Variants in KCND2 observed in about 807,000 individuals in gnomAD.
KCND2 encodes the protein potassium voltage-gated channel subfamily D member 2.
A neutral mutation model predicts 54.4 loss-of-function variants in KCND2; 16 were observed. The ratio of observed to expected loss-of-function variants is 0.29; its 90% confidence interval spans 0.20 to 0.45. The LOEUF (loss-of-function observed/expected upper bound fraction) is 0.45, where lower values mean the gene tolerates loss of function less well. Among genes scored for constraint, KCND2 ranks in the 20% least tolerant of loss-of-function variants. KCND2 has a pLI of 1.00. For synonymous variants in KCND2, 317 were observed against 310.7 expected (o/e 1.02, Z -0.21); for missense variants, 486 against 824.2 (o/e 0.59, Z 5.02).
chr7:120,419,984 A>G (rs1370015164), intron 1 of KCND2, among the ~76,000 whole-genome samples: 1 of 149,060 alleles, frequency 6.7e-6, no homozygotes, highest in East Asian at 1.9e-4. Context: ...TAACTAGAGA[A>G]TCAGGTTTAT....
At chr7:120,525,685 G>T (rs1791763479) in intron 1 of KCND2, among the ~76,000 whole-genome samples, 1 of 152,074 alleles carries the variant, frequency 6.6e-6, no homozygotes, top group Non-Finnish European at 1.5e-5. Flanking sequence ...GCTTTTGCTT[G>T]CTAAGGCAAG....
rs774971017 is a variant in KCND2, at chr7:120,554,701, C to A, written c.1116-178202C>A. 9.2e-4 allele frequency among the ~76,000 whole-genome samples: 140 copies of A among 152,164 alleles called. 2 individuals are homozygous for A. Among genetic ancestry groups the A allele is most frequent in the Non-Finnish European group, 1.1e-3 (73 of 68,034 alleles). ...GGGATTACAGGCGTGAGCCACCGCGCCTGGCCGAGAATTTACATTTCTAAC... is the reference window on the plus strand; with the variant it reads ...GGGATTACAGGCGTGAGCCACCGCGACTGGCCGAGAATTTACATTTCTAAC... On this transcript the variant is annotated intron_variant, in intron 1 of 5. Coordinates refer to ENST00000331113, the MANE Select transcript of KCND2 (RefSeq NM_012281.3).
chr7:120,657,537 C>T lies in KCND2; in HGVS notation c.1116-75366C>T, dbSNP rs530322009. ...CATGCTAGTGTGAAATAGCCTTATC[C>T]GTAGGGCCTTCAAAAACAGCAAGTT... On this transcript the variant is annotated intron_variant, in intron 1 of 5. Coordinates refer to ENST00000331113, the MANE Select transcript of KCND2 (RefSeq NM_012281.3). Among the ~76,000 whole-genome samples, 59 of 152,076 alleles carry T rather than the reference C, an allele frequency of 3.9e-4. 1 individual carries two copies. In the South Asian group the frequency reaches 0.011, roughly 28 times the overall value.
intron 1 of KCND2, among the ~76,000 whole-genome samples, chr7:120,363,651 A>G (rs1478752862): frequency 6.6e-6 from 1 of 152,100 alleles, no homozygotes; most frequent in Non-Finnish European, 1.5e-5. Flanking sequence ...TTGAACTGCC[A>G]AAGTGATTCT....
Position 120,274,414 on chromosome 7 carries a change from A to AT in KCND2, c.-215dup. The AT allele has an allele frequency of 1.6e-6, 1 of 631,644 alleles. No individual in the cohort carries two copies. Among genetic ancestry groups the AT allele is most frequent in the Non-Finnish European group, 2.8e-6 (1 of 352,504 alleles). 39.1% of individuals were successfully genotyped at this position (631,644 alleles called of 1,614,324 possible). A position where few individuals can be genotyped will look rare whatever the true frequency, so the allele number is the denominator to read the frequency against. On this transcript the variant is annotated 5_prime_UTR_variant, in exon 1 of 6. Transcript: ENST00000331113. ...TTGAGGGTGATTGTTAGGACGTTGT[A>AT]TTTTGTTGCCATTATTCCAAATACC...
intron 1 of KCND2, among the ~76,000 whole-genome samples, chr7:120,528,772 T>C (rs930606659): frequency 6.6e-6 from 1 of 152,306 alleles, no homozygotes; most frequent in Admixed American, 6.5e-5. Flanking sequence ...TGCATAATGA[T>C]AATACCTGTT....
chr7:120,625,784 AAG>A (rs1793156701), intron 1 of KCND2, among the ~76,000 whole-genome samples: 1 of 152,110 alleles, frequency 6.6e-6, no homozygotes, highest in African/African-American at 2.4e-5. Context: ...GTCAGACAAA[AAG>A]AACAATAATA....
At chr7:120,387,416 TAA>T (rs970973922) in intron 1 of KCND2, among the ~76,000 whole-genome samples, 24 of 152,016 alleles carry the variant, frequency 1.6e-4, no homozygotes, top group Non-Finnish European at 3.2e-4. Flanking sequence ...ATAAATAAGT[TAA>T]AGAGTATTTT....
intron 1 of KCND2, among the ~76,000 whole-genome samples, chr7:120,682,995 T>G (rs1260574809): frequency 6.6e-6 from 1 of 152,142 alleles, no homozygotes; most frequent in Non-Finnish European, 1.5e-5. Flanking sequence ...GTCAGGGACT[T>G]CTAGAAGACT....
At chr7:120,408,698 T>A (rs922944011) in intron 1 of KCND2, among the ~76,000 whole-genome samples, 1 of 151,696 alleles carries the variant, frequency 6.6e-6, no homozygotes, top group African/African-American at 2.4e-5. Flanking sequence ...CACACACATG[T>A]GCACATACAC....
At chr7:120,378,155 G>C (rs1800862628) in intron 1 of KCND2, among the ~76,000 whole-genome samples, 1 of 151,900 alleles carries the variant, frequency 6.6e-6, no homozygotes, top group South Asian at 2.1e-4. Context: ...GTATTTGTGT[G>C]TGTGTGTAAT....
At position 120,365,004 on chromosome 7, in the gene KCND2, A is replaced by G. The variant is rs868184525; in HGVS notation, c.1115+89257A>G. On this transcript the variant is annotated intron_variant, in intron 1 of 5. Transcript: ENST00000331113. ...TATCCATTGTAAAAAGAAAAATGTTAAAATACAAAATTGATATTGTAGACA... is the reference window on the plus strand; with the variant it reads ...TATCCATTGTAAAAAGAAAAATGTTGAAATACAAAATTGATATTGTAGACA... 2.6e-4 allele frequency among the ~76,000 whole-genome samples: 40 copies of G among 152,210 alleles called. No individual in the cohort carries two copies. In the Middle Eastern group the frequency reaches 0.017, roughly 65 times the overall value.
At chr7:120,398,305 TA>T (rs1180108750) in intron 1 of KCND2, among the ~76,000 whole-genome samples, 17 of 152,074 alleles carry the variant, frequency 1.1e-4, no homozygotes, top group Admixed American at 3.3e-4. Context: ...TTGGAAATCA[TA>T]TGAAGCTTCT....
intron 1 of KCND2, among the ~76,000 whole-genome samples, chr7:120,599,848 T>G (rs1282964293): frequency 6.6e-6 from 1 of 151,976 alleles, no homozygotes; most frequent in Non-Finnish European, 1.5e-5. Flanking sequence ...GAGTAGTGAG[T>G]GCAGACATTT....
At chr7:120,561,154 A>G (rs771801007) in intron 1 of KCND2, among the ~76,000 whole-genome samples, 2 of 152,228 alleles carry the variant, frequency 1.3e-5, no homozygotes, top group Non-Finnish European at 2.9e-5. Context: ...ACCAGATTTT[A>G]TGACATTAAT....
chr7:120,541,219 C>T (rs1791976140), intron 1 of KCND2, among the ~76,000 whole-genome samples: 1 of 152,038 alleles, frequency 6.6e-6, no homozygotes, highest in African/African-American at 2.4e-5. Context: ...AATTTCTGTC[C>T]TTATTTTAAC....
intron 1 of KCND2, among the ~76,000 whole-genome samples, chr7:120,386,631 A>C (rs1268125298): frequency 6.6e-6 from 1 of 152,150 alleles, no homozygotes; most frequent in Non-Finnish European, 1.5e-5. Context: ...TGTGAGATCC[A>C]GTCTTCCTTT....
intron 1 of KCND2, among the ~76,000 whole-genome samples, chr7:120,697,408 G>C (rs2116015303): frequency 6.6e-6 from 1 of 152,066 alleles, no homozygotes; most frequent in African/African-American, 2.4e-5. Context: ...ATTTGTTTTA[G>C]AAACTAAAGT....
chr7:120,671,609 T>C (rs145683907), intron 1 of KCND2, among the ~76,000 whole-genome samples: 11 of 152,122 alleles, frequency 7.2e-5, no homozygotes, highest in African/African-American at 2.7e-4. Flanking sequence ...TCCAGTCCTT[T>C]CCTCACCACT....
Sources: allele counts gnomAD v4.1 joint callset (sites outside exome capture counted in the v4.1 genomes callset), GRCh38; gene constraint gnomAD v4.1.1; transcripts MANE v1.5; gene names NCBI Gene and HGNC (gene_info 2026-07-23, HGNC 2026-07-21).